CD55: variants seen among roughly 807,000 people sequenced by gnomAD.
The protein encoded by CD55 is CD55 molecule (Cromer blood group).
A neutral mutation model predicts 45.8 loss-of-function variants in CD55; 41 were observed. The ratio of observed to expected loss-of-function variants is 0.90; its 90% confidence interval spans 0.70 to 1.16. CD55 has a LOEUF of 1.16. Ranked by LOEUF, CD55 falls within the 50% of genes most tolerant of loss-of-function variation. The pLI, the probability that CD55 is intolerant of heterozygous loss-of-function variation, is 0.00. For synonymous variants in CD55, 181 were observed against 181.1 expected, an observed-to-expected ratio of 1.00 and a Z score of 0.01; for missense variants, 416 against 469.8, an observed-to-expected ratio of 0.89 and a Z score of 1.06.
intron 2 of CD55, among the ~76,000 whole-genome samples, chr1:207,323,307 A>T (rs1038879365): frequency 2.0e-5 from 3 of 151,658 alleles, no homozygotes; most frequent in Non-Finnish European, 4.4e-5. Context: ...ATATATAGGG[A>T]GAGAGAGATG....
chr1:207,350,626 T>C (rs977968092), intron 9 of CD55, among the ~76,000 whole-genome samples: 2 of 152,202 alleles, frequency 1.3e-5, no homozygotes, highest in African/African-American at 4.8e-5. Context: ...TTCTACGTTT[T>C]CTAGTTTATG....
chr1:207,334,128 A>C (rs989059527), intron 6 of CD55, among the ~76,000 whole-genome samples: 1 of 152,132 alleles, frequency 6.6e-6, no homozygotes, highest in African/African-American at 2.4e-5. Flanking sequence ...ACAAAAATAA[A>C]ACCACTCGTA....
In CD55 at chr1:207,360,533, G is replaced by A. The variant is rs1043909366; in HGVS notation, c.*923G>A. The A allele has an allele frequency of 1.3e-5, 2 of 152,020 alleles. No homozygotes were observed. The highest frequency in any genetic ancestry group is 2.4e-5 in the African/African-American group (1 of 41,394). 9.4% of individuals were successfully genotyped at this position (152,020 alleles called of 1,614,324 possible). On this transcript the variant is annotated 3_prime_UTR_variant, in exon 10 of 10. Transcript: ENST00000367064. ...TAGTATGTGAAATTTATTCTTAAAC[G>A]TGACTACTTTATTTCTAAATAAGAA...
intron 9 of CD55, among the ~76,000 whole-genome samples, chr1:207,353,036 C>T (rs917657080): frequency 3.5e-5 from 4 of 114,874 alleles, no homozygotes; most frequent in African/African-American, 1.3e-4. Context: ...TTCTCTATTA[C>T]CAGGTTTTTT....
Position 207,326,755 on chromosome 1 carries a change from CA to C in CD55, c.585del (p.Lys195AsnfsTer41). On this transcript the variant is annotated frameshift_variant, in exon 5 of 10. Transcript: ENST00000367064. LOFTEE classifies it high-confidence loss of function. ...TTTTCTTCCCCTGTTGCTTTAGGTA[CA>C]AATTATTTGGCTCGACTTCTAGTTT... ...TISFSCNTGYKLFGSTSSFCL... is the reference protein window; with the variant it reads ...TISFSCNTGYXLFGSTSSFCL... 1 of 1,612,838 alleles carries C rather than the reference CA, an allele frequency of 6.2e-7. No individual in the cohort carries two copies. The highest frequency in any genetic ancestry group is 8.5e-7 in the Non-Finnish European group (1 of 1,179,002).
At chr1:207,331,806 A>G (rs1410946605) in intron 6 of CD55, among the ~76,000 whole-genome samples, 2 of 152,042 alleles carry the variant, frequency 1.3e-5, no homozygotes, top group East Asian at 1.9e-4. Context: ...TTTTCTTTCA[A>G]TGTCTTTTTA....
At chr1:207,333,663 T>A (rs1655045687) in intron 6 of CD55, among the ~76,000 whole-genome samples, 1 of 152,110 alleles carries the variant, frequency 6.6e-6, no homozygotes, top group African/African-American at 2.4e-5. Flanking sequence ...AAGTTTAAGA[T>A]GATAAAAGAA....
intron 6 of CD55, among the ~76,000 whole-genome samples, chr1:207,334,319 A>G (rs775067366): frequency 1.9e-4 from 29 of 152,158 alleles, no homozygotes; most frequent in Non-Finnish European, 3.4e-4. Context: ...CAAAATAGAG[A>G]TGTATTCAGA....
chr1:207,347,941 C>T (rs941416146), intron 9 of CD55, among the ~76,000 whole-genome samples: 9 of 151,950 alleles, frequency 5.9e-5, no homozygotes, highest in Admixed American at 3.9e-4. Context: ...TGTAATATCC[C>T]GTGGTGTATA....
chr1:207,343,725 A>T (rs1219402747), intron 9 of CD55, among the ~76,000 whole-genome samples: 1 of 152,128 alleles, frequency 6.6e-6, no homozygotes, highest in African/African-American at 2.4e-5. Flanking sequence ...TTCTTTGTGA[A>T]TTTTTTGTCC....
chr1:207,335,934 C>A (rs750329350), intron 6 of CD55, among the ~76,000 whole-genome samples: 39 of 152,244 alleles, frequency 2.6e-4, no homozygotes, highest in East Asian at 3.9e-4. Context: ...GAAACTATAG[C>A]TTAGAAGGGT....
At chr1:207,335,737 G>T (rs2102405092) in intron 6 of CD55, among the ~76,000 whole-genome samples, 1 of 152,232 alleles carries the variant, frequency 6.6e-6, no homozygotes, top group East Asian at 1.9e-4. Context: ...AGAAAAAAAT[G>T]ACCGATACCA....
chr1:207,331,432 C>T (rs1654941666), intron 6 of CD55, 136 bp downstream of exon 6: 1 of 681,124 alleles, frequency 1.5e-6, no homozygotes, highest in Non-Finnish European at 2.5e-6. Flanking sequence ...TTCTGTGGGA[C>T]ACAATTTTTC....
At chr1:207,322,677 CCCCAGGGTATA>C in intron 2 of CD55, 110 bp downstream of exon 2, 2 of 941,280 alleles carry the variant, frequency 2.1e-6, no homozygotes, top group Non-Finnish European at 3.1e-6. Context: ...CGTTACTAAA[CCCCAGGGTATA>C]CCCTGTTGGC....
In CD55 at chr1:207,359,639, A is replaced by ACAG; in HGVS notation, c.*31_*32insGCA. ...AAGAAGAGTTAAGAAGAAAATACAC[A>ACAG]CAAGTATACAGACTGTTCCTAGTTT... On this transcript the variant is annotated 3_prime_UTR_variant, in exon 10 of 10. Coordinates refer to ENST00000367064, the MANE Select transcript of CD55 (RefSeq NM_000574.5). 6.4e-7 allele frequency: 1 copy of ACAG among 1,570,900 alleles called. No individual in the cohort carries two copies. The highest frequency in any genetic ancestry group is 1.2e-5 in the South Asian group (1 of 83,804).
At chr1:207,348,542 A>AT (rs1014622655) in intron 9 of CD55, among the ~76,000 whole-genome samples, 7 of 152,054 alleles carry the variant, frequency 4.6e-5, no homozygotes, top group South Asian at 2.1e-4. Flanking sequence ...GTTGATATAT[A>AT]TTTTTTTGCC....
At chr1:207,353,289 A>G (rs1323963261) in intron 9 of CD55, among the ~76,000 whole-genome samples, 1 of 152,114 alleles carries the variant, frequency 6.6e-6, no homozygotes, top group East Asian at 1.9e-4. Flanking sequence ...TCTGTTGCCA[A>G]AGTCCTATAC....
At chr1:207,329,512 C>G (rs937849775) in intron 5 of CD55, among the ~76,000 whole-genome samples, 3 of 152,188 alleles carry the variant, frequency 2.0e-5, no homozygotes, top group Non-Finnish European at 4.4e-5. Flanking sequence ...GTATAGTGTA[C>G]AAGGCAGCCA....
At chr1:207,330,876 A>C (rs996375263) in intron 5 of CD55, among the ~76,000 whole-genome samples, 2 of 152,176 alleles carry the variant, frequency 1.3e-5, no homozygotes, top group Non-Finnish European at 2.9e-5. Context: ...TATTATTTCT[A>C]TGAATTGGTC....
Sources: allele counts gnomAD v4.1 joint callset (sites outside exome capture counted in the v4.1 genomes callset), GRCh38; gene constraint gnomAD v4.1.1; transcripts MANE v1.5; gene names NCBI Gene and HGNC (gene_info 2026-07-23, HGNC 2026-07-21).